EXOC5: variants seen among roughly 807,000 people sequenced by gnomAD.
EXOC5 encodes the protein SEC10-like 1.
A neutral mutation model predicts 90.8 loss-of-function variants in EXOC5; 17 were observed. That is an observed-to-expected ratio of 0.19 (90% CI 0.13 to 0.28). EXOC5 has a LOEUF of 0.28. Ranked by LOEUF, EXOC5 falls within the 10% of genes least tolerant of loss-of-function variation. The pLI is 1.00. For missense variants in EXOC5, 569 were observed against 830.6 expected (o/e 0.69, Z 3.87); for synonymous variants, 260 against 270.0 (o/e 0.96, Z 0.36).
intron 11 of EXOC5, among the ~76,000 whole-genome samples, chr14:57,230,462 C>T (rs1277110018): frequency 6.6e-6 from 1 of 150,920 alleles, no homozygotes; most frequent in Non-Finnish European, 1.5e-5. Flanking sequence ...CACACAAATT[C>T]CTATTATTCA....
At chr14:57,251,764 C>T (rs577718054) in intron 1 of EXOC5, among the ~76,000 whole-genome samples, 26 of 151,570 alleles carry the variant, frequency 1.7e-4, no homozygotes, top group African/African-American at 6.0e-4. Flanking sequence ...TTAATGAAAC[C>T]AGAAGTTGGT....
At chr14:57,262,538 A>ATGTGTG (rs55879618) in intron 1 of EXOC5, among the ~76,000 whole-genome samples, 7 of 143,840 alleles carry the variant, frequency 4.9e-5, no homozygotes, top group Non-Finnish European at 6.1e-5. Context: ...GTAAATACAT[A>ATGTGTG]TGTGTGTGTG....
At position 57,227,379 on chromosome 14, in the gene EXOC5, T is replaced by C. The variant is rs182893837; in HGVS notation, c.1296+2355A>G. Among the ~76,000 whole-genome samples the C allele has an allele frequency of 2.8e-4, 43 of 152,336 alleles. No individual in the cohort carries two copies. The East Asian group carries it at 7.7e-3, about 27-fold the overall frequency. On this transcript the variant is annotated intron_variant, in intron 12 of 17. Coordinates refer to ENST00000621441, the MANE Select transcript of EXOC5 (RefSeq NM_006544.4). ...AACTCTACTTCACTCATTTAAATTGTTGTATAGTTTTCTACTGTATGAAAA... is the reference window on the plus strand; with the variant it reads ...AACTCTACTTCACTCATTTAAATTGCTGTATAGTTTTCTACTGTATGAAAA...
intron 12 of EXOC5, among the ~76,000 whole-genome samples, chr14:57,224,140 C>A (rs1386729879): frequency 6.6e-6 from 1 of 151,872 alleles, no homozygotes; most frequent in African/African-American, 2.4e-5. Flanking sequence ...ATGACCTCAG[C>A]TTCCACCTTA....
chr14:57,211,544 C>T (rs1183622718), intron 15 of EXOC5, among the ~76,000 whole-genome samples: 2 of 152,134 alleles, frequency 1.3e-5, no homozygotes, highest in African/African-American at 4.8e-5. Flanking sequence ...GCATATACAG[C>T]ATCTTTCATG....
rs1883676483 is a variant in EXOC5 at position 57,236,786 on chromosome 14, C to G, written c.559+552G>C. Among the ~76,000 whole-genome samples, 3 of 151,970 alleles carry G rather than the reference C, an allele frequency of 2.0e-5. 1 individual carries two copies. In the South Asian group the frequency reaches 6.2e-4, roughly 32 times the overall value. ...ATAGTGACCCCAGCTACCACAGAAC[C>G]TGCAAATTTAGTGGTCTTTTCAAAA... On this transcript the variant is annotated intron_variant, in intron 6 of 17. Transcript: ENST00000621441.
chr14:57,227,474 A>G (rs1015325072), intron 12 of EXOC5, among the ~76,000 whole-genome samples: 10 of 152,310 alleles, frequency 6.6e-5, no homozygotes, highest in Admixed American at 6.5e-4. Flanking sequence ...CATGAAAAAA[A>G]TGCTGTTATG....
At chr14:57,259,392 T>C (rs1227278313) in intron 1 of EXOC5, among the ~76,000 whole-genome samples, 2 of 152,186 alleles carry the variant, frequency 1.3e-5, no homozygotes, top group Admixed American at 1.3e-4. Flanking sequence ...AGTCACCACA[T>C]GCAGCCAAGT....
intron 1 of EXOC5, chr14:57,268,389 C>A (rs912018052): frequency 5.5e-5 from 67 of 1,217,344 alleles, no homozygotes; most frequent in Non-Finnish European, 7.3e-5. Flanking sequence ...TTGGGACACC[C>A]GGCTTCCCCT....
At chr14:57,248,129 G>C (rs530499582) in intron 1 of EXOC5, among the ~76,000 whole-genome samples, 244 of 150,312 alleles carry the variant, frequency 1.6e-3, no homozygotes, top group African/African-American at 5.6e-3. Flanking sequence ...AGCAAGGCAA[G>C]AAAGGATAAA....
At chr14:57,237,018 A>G (rs1164196128) in intron 6 of EXOC5, among the ~76,000 whole-genome samples, 1 of 152,202 alleles carries the variant, frequency 6.6e-6, no homozygotes, top group African/African-American at 2.4e-5. Flanking sequence ...TTTATATAGT[A>G]TGGTAGCAAT....
chr14:57,222,314 G>A lies in EXOC5; in HGVS notation c.1399C>T (p.Leu467Phe). Reference sequence around the variant, plus strand: ...GTAACACAAATATACTTACCAGCAAGTCCTGTTTCCAAAGCATAATCAATA... The same window carrying A: ...GTAACACAAATATACTTACCAGCAAATCCTGTTTCCAAAGCATAATCAATA... ...EHIDYALETG[L>F]AGIPSSDSRN... Residue 467 changes from leucine (L) to phenylalanine (F), a missense_variant, in exon 13 of 18, where the codon CTT becomes TTT. Transcript: ENST00000621441. 6.7e-7 allele frequency: 1 copy of A among 1,501,478 alleles called. No homozygotes were observed. Among genetic ancestry groups the A allele is most frequent in the Non-Finnish European group, 9.2e-7 (1 of 1,090,554 alleles). 93.0% of individuals were successfully genotyped at this position (1,501,478 alleles called of 1,614,324 possible).
At chr14:57,233,687 G>T in intron 9 of EXOC5, 56 bp downstream of exon 9, 1 of 1,080,132 alleles carries the variant, frequency 9.3e-7, no homozygotes. Flanking sequence ...TAAAATATAG[G>T]GAAAAAATTA....
chr14:57,217,471 G>T (rs1369841895), intron 15 of EXOC5, among the ~76,000 whole-genome samples: 1 of 152,100 alleles, frequency 6.6e-6, no homozygotes, highest in African/African-American at 2.4e-5. Flanking sequence ...CTGTTATGGT[G>T]ATCTGTGATC....
chr14:57,258,783 C>T (rs1221461252), intron 1 of EXOC5, among the ~76,000 whole-genome samples: 1 of 152,140 alleles, frequency 6.6e-6, no homozygotes, highest in African/African-American at 2.4e-5. Context: ...GCTTCCTTGA[C>T]ACAAATTCAA....
At chr14:57,256,428 T>C (rs1165691539) in intron 1 of EXOC5, among the ~76,000 whole-genome samples, 1 of 152,098 alleles carries the variant, frequency 6.6e-6, no homozygotes, top group African/African-American at 2.4e-5. Flanking sequence ...TGAGAGACAG[T>C]GAATATCAGT....
At chr14:57,225,058 T>C (rs2139626272) in intron 12 of EXOC5, among the ~76,000 whole-genome samples, 1 of 151,200 alleles carries the variant, frequency 6.6e-6, no homozygotes, top group African/African-American at 2.4e-5. Flanking sequence ...TGAGACTCCG[T>C]CTCCAAAAAA....
chr14:57,232,769 ATTCT>A lies in EXOC5; in HGVS notation c.856-24_856-21del. ...AAAACTCTAAAAGAAAAAGGTTAACATTCTGTTAATTAGGTAAATATTAAATTCT... is the reference window on the plus strand; with the variant it reads ...AAAACTCTAAAAGAAAAAGGTTAACAGTTAATTAGGTAAATATTAAATTCT... On this transcript the variant is annotated intron_variant, in intron 9 of 17. Coordinates refer to ENST00000621441, the MANE Select transcript of EXOC5 (RefSeq NM_006544.4). 9.0e-7 allele frequency: 1 copy of A among 1,112,396 alleles called. No homozygotes were observed. 68.9% of individuals were successfully genotyped at this position (1,112,396 alleles called of 1,614,324 possible).
intron 1 of EXOC5, among the ~76,000 whole-genome samples, chr14:57,248,222 T>A (rs1159543777): frequency 1.3e-5 from 2 of 151,962 alleles, no homozygotes; most frequent in East Asian, 1.9e-4. Context: ...TTAGGTAACA[T>A]CAGTGTGTTA....
Sources: gnomAD v4.1 joint callset for allele counts (sites outside exome capture counted in the v4.1 genomes callset) on GRCh38, gnomAD v4.1.1 for gene constraint, MANE v1.5 for transcripts, NCBI Gene and HGNC (gene_info 2026-07-23, HGNC 2026-07-21) for gene names.